The following MBNL2 variants were observed in gnomAD, a reference collection of about 807,000 sequenced individuals.
MBNL2 encodes muscleblind like splicing regulator 2.
A neutral mutation model predicts 41.9 loss-of-function variants in MBNL2; 17 were observed. The ratio of observed to expected loss-of-function variants is 0.41; its 90% confidence interval spans 0.28 to 0.61. The LOEUF (loss-of-function observed/expected upper bound fraction) is 0.61, where lower values mean the gene tolerates loss of function less well. Among genes scored for constraint, MBNL2 ranks in the 20% least tolerant of loss-of-function variants. The probability of loss-of-function intolerance (pLI) is 0.35; values close to 1 mark genes in which losing one functional copy is unlikely to be tolerated. For synonymous variants in MBNL2, 195 were observed against 182.9 expected (o/e 1.07, Z -0.53); for missense variants, 336 against 505.6 (o/e 0.66, Z 3.22).
At chr13:97,186,258 A>T in the MBNL2 span, among the ~76,000 whole-genome samples, 1 of 152,172 alleles carries the variant, frequency 6.6e-6, no homozygotes, top group African/African-American at 2.4e-5. Flanking sequence ...AGTTCAACAC[A>T]TCTGAAACTG....
chr13:97,265,174 G>A (rs896313484), intron 1 of MBNL2, among the ~76,000 whole-genome samples: 1 of 152,134 alleles, frequency 6.6e-6, no homozygotes, highest in African/African-American at 2.4e-5. Flanking sequence ...TCCTGGAAAT[G>A]GCAATGAAAA....
intron 1 of MBNL2, among the ~76,000 whole-genome samples, chr13:97,261,960 C>A (rs944999295): frequency 3.9e-5 from 6 of 152,206 alleles, no homozygotes; most frequent in African/African-American, 9.7e-5. Context: ...CTCTACCTTG[C>A]CATCTCCCCA....
chr13:97,368,486 T>C (rs2064056191), intron 8 of MBNL2, among the ~76,000 whole-genome samples: 1 of 151,504 alleles, frequency 6.6e-6, no homozygotes, highest in Non-Finnish European at 1.5e-5. Flanking sequence ...TGAAATTCTA[T>C]ATGATAAGTT....
chr13:97,153,969 GCTATCCAGTAA>G, the MBNL2 span, among the ~76,000 whole-genome samples: 3 of 152,182 alleles, frequency 2.0e-5, no homozygotes, highest in African/African-American at 7.2e-5. Context: ...CTAAGTCTGT[GCTATCCAGTAA>G]ATGTTAACTT....
intron 2 of MBNL2, among the ~76,000 whole-genome samples, chr13:97,283,609 T>C (rs894171973): frequency 1.3e-5 from 2 of 152,210 alleles, no homozygotes; most frequent in Non-Finnish European, 2.9e-5. Flanking sequence ...ACAGACTATT[T>C]CAAACAATCT....
chr13:97,150,065 T>C, the MBNL2 span, among the ~76,000 whole-genome samples: 11 of 152,158 alleles, frequency 7.2e-5, no homozygotes, highest in African/African-American at 2.7e-4. Flanking sequence ...GTCTCAGAAA[T>C]TGTTGCCAAT....
the MBNL2 span, among the ~76,000 whole-genome samples, chr13:97,188,134 G>A: frequency 1.3e-5 from 2 of 152,116 alleles, no homozygotes; most frequent in Non-Finnish European, 2.9e-5. Context: ...GTTACAAAAG[G>A]TGAGAGGAAC....
intron 7 of MBNL2, among the ~76,000 whole-genome samples, chr13:97,361,297 A>T (rs2063372630): frequency 6.6e-6 from 1 of 152,216 alleles, no homozygotes; most frequent in South Asian, 2.1e-4. Context: ...GCAAGATTTT[A>T]TCAGTGGGGG....
In MBNL2 at chr13:97,229,412, T is replaced by C. The variant is rs1487545451; in HGVS notation, c.-605+6881T>C. Among the ~76,000 whole-genome samples the C allele has an allele frequency of 2.6e-5, 4 of 152,036 alleles. No individual in the cohort carries two copies. In the East Asian group the frequency reaches 7.7e-4, roughly 29 times the overall value. On this transcript the variant is annotated intron_variant, in intron 1 of 8. Coordinates refer to ENST00000679496, the MANE Select transcript of MBNL2 (RefSeq NM_001382683.1). ...CACTTGGCAAGGAAATAGGTGAACT[T>C]CCATCTTATATATTATTTAGCTCAT...
At chr13:97,200,411 A>G in the MBNL2 span, among the ~76,000 whole-genome samples, 1 of 152,246 alleles carries the variant, frequency 6.6e-6, no homozygotes, top group Non-Finnish European at 1.5e-5. Flanking sequence ...TCTTGTGGCA[A>G]GTACTAACCC....
At chr13:97,242,134 G>A (rs1008597397) in intron 1 of MBNL2, among the ~76,000 whole-genome samples, 3 of 152,042 alleles carry the variant, frequency 2.0e-5, no homozygotes, top group Non-Finnish European at 2.9e-5. Context: ...GGATTTTGAC[G>A]ACACCACTGC....
the MBNL2 span, among the ~76,000 whole-genome samples, chr13:97,158,278 TTCTC>T: frequency 6.6e-6 from 1 of 150,768 alleles, no homozygotes; most frequent in Non-Finnish European, 1.5e-5. Flanking sequence ...TATTGGATTC[TTCTC>T]TCTTTTTTTC....
chr13:97,270,688 A>G (rs975147253), intron 1 of MBNL2, among the ~76,000 whole-genome samples: 1 of 152,238 alleles, frequency 6.6e-6, no homozygotes, highest in Non-Finnish European at 1.5e-5. Context: ...ACAGTCTAAC[A>G]CATGCCCCTT....
At chr13:97,377,118 A>G (rs1376961932) in intron 8 of MBNL2, among the ~76,000 whole-genome samples, 1 of 152,220 alleles carries the variant, frequency 6.6e-6, no homozygotes, top group East Asian at 1.9e-4. Flanking sequence ...AGCCTTTTGT[A>G]TGAATTATGT....
the MBNL2 span, among the ~76,000 whole-genome samples, chr13:97,193,737 A>T: frequency 1.3e-5 from 2 of 152,128 alleles, no homozygotes; most frequent in Admixed American, 6.5e-5. Flanking sequence ...ACAGTGGCTG[A>T]GACTTTAGTG....
chr13:97,159,058 T>A, the MBNL2 span, among the ~76,000 whole-genome samples: 2 of 151,898 alleles, frequency 1.3e-5, no homozygotes, highest in African/African-American at 4.8e-5. Flanking sequence ...ACTCAGGACT[T>A]GCTTTATGAA....
chr13:97,328,040 G>C (rs1363082965), intron 2 of MBNL2, among the ~76,000 whole-genome samples: 2 of 152,090 alleles, frequency 1.3e-5, no homozygotes, highest in African/African-American at 4.8e-5. Flanking sequence ...CCGTGAGGCA[G>C]AAACTATTCT....
At chr13:97,315,447 T>C (rs1274589944) in intron 2 of MBNL2, among the ~76,000 whole-genome samples, 3 of 152,222 alleles carry the variant, frequency 2.0e-5, no homozygotes, top group African/African-American at 4.8e-5. Flanking sequence ...ACTTACAAGA[T>C]AGGCCCAAGA....
At chr13:97,220,450 G>GGC (rs1409675140), upstream of MBNL2, among the ~76,000 whole-genome samples, 2 of 152,140 alleles carry the variant, frequency 1.3e-5, no homozygotes, top group Non-Finnish European at 2.9e-5. Context: ...GATTGAGTAA[G>GGC]GCAGAAATAA....
Sources: gnomAD v4.1 joint callset for allele counts (sites outside exome capture counted in the v4.1 genomes callset) on GRCh38, gnomAD v4.1.1 for gene constraint, MANE v1.5 for transcripts, NCBI Gene and HGNC (gene_info 2026-07-23, HGNC 2026-07-21) for gene names.